SNX29: variants seen among roughly 807,000 people sequenced by gnomAD.
SNX29 encodes the protein sorting nexin 29, also known as sorting nexin-29.
In SNX29, 78 loss-of-function variants were observed where a neutral mutation model predicts 102.1. The ratio of observed to expected loss-of-function variants is 0.76; its 90% CI spans 0.64 to 0.92. SNX29 has a LOEUF of 0.92. Ranked by LOEUF, SNX29 falls within the 40% of genes least tolerant of loss-of-function variation. The pLI, the probability that SNX29 is intolerant of heterozygous loss-of-function variation, is 0.00. For missense variants in SNX29, 1,280 were observed against 1,061.7 expected, an observed-to-expected ratio of 1.21 and a Z score of -2.86; for synonymous variants, 580 against 414.5, an observed-to-expected ratio of 1.40 and a Z score of -4.85.
At position 12,570,426 on chromosome 16, in the gene SNX29, CTAAAT is replaced by C. The variant is rs2079162706; in HGVS notation, c.*1798_*1802del. 1 of 251,592 alleles carries C rather than the reference CTAAAT, an allele frequency of 4.0e-6. No individual in the cohort carries two copies. The highest frequency in any genetic ancestry group is 7.4e-6 in the Non-Finnish European group (1 of 134,984). The allele number at this position is 251,592 out of a possible 1,614,324, so 15.6% of individuals were successfully genotyped here. A position where few individuals can be genotyped will look rare whatever the true frequency, so the allele number is the denominator to read the frequency against. On this transcript the variant is annotated 3_prime_UTR_variant, in exon 21 of 21. Coordinates refer to ENST00000566228, the MANE Select transcript of SNX29 (RefSeq NM_032167.5). ...ACATCAGCTCACATGACTGGCAACT[CTAAAT>C]AGAGAGCCCTAATGGACTGAGGCAG...
intron 20 of SNX29, among the ~76,000 whole-genome samples, chr16:12,554,521 T>C (rs2078200562): frequency 6.6e-6 from 1 of 152,240 alleles, no homozygotes; most frequent in East Asian, 1.9e-4. Context: ...GATGCTGCAT[T>C]GAACATTCTC....
At chr16:12,434,730 C>T (rs138873270) in intron 18 of SNX29, among the ~76,000 whole-genome samples, 7 of 152,228 alleles carry the variant, frequency 4.6e-5, no homozygotes, top group African/African-American at 1.4e-4. Context: ...TGACCTCATC[C>T]AGGACAGTAC....
At chr16:12,356,020 G>A in intron 15 of SNX29, 143 bp from the exon 16 acceptor site, 1 of 675,324 alleles carries the variant, frequency 1.5e-6, no homozygotes, top group Non-Finnish European at 2.6e-6. Flanking sequence ...ATGGTTCACA[G>A]GTAAGCAGTG....
At chr16:12,518,914 A>G (rs2089983825) in intron 19 of SNX29, among the ~76,000 whole-genome samples, 1 of 152,200 alleles carries the variant, frequency 6.6e-6, no homozygotes, top group Non-Finnish European at 1.5e-5. Flanking sequence ...GATGTGAAGT[A>G]GATGCAGTGT....
intron 1 of SNX29, among the ~76,000 whole-genome samples, chr16:11,995,215 G>A (rs1294792264): frequency 1.3e-5 from 2 of 152,178 alleles, no homozygotes; most frequent in South Asian, 2.1e-4. Flanking sequence ...ACAGGCGCCC[G>A]TCACCACACC....
chr16:12,023,585 A>AAAAAAG (rs1555521085), intron 3 of SNX29, among the ~76,000 whole-genome samples: 2 of 149,612 alleles, frequency 1.3e-5, no homozygotes, highest in African/African-American at 4.9e-5. Flanking sequence ...CTCAAAAAAA[A>AAAAAAG]AAAAGAAAAG....
rs2049956869 is a variant in SNX29, at chr16:12,043,210, G to C, written c.428+133G>C. On this transcript the variant is annotated intron_variant, in intron 5 of 20. Transcript: ENST00000566228. ...AGTGGGCCTCCCTCTGACAGCTCCG[G>C]AGTGTTCTGCTGAGCTGTGGAGAAA... is the stretch of plus-strand genomic sequence containing the variant. The C allele has an allele frequency of 2.6e-5, 31 of 1,177,870 alleles. No homozygotes were observed. The Admixed American group carries it at 6.0e-4, about 23-fold the overall frequency. The allele number at this position is 1,177,870 out of a possible 1,614,324, so 73.0% of individuals were successfully genotyped here. A position where few individuals can be genotyped will look rare whatever the true frequency, so the allele number is the denominator to read the frequency against.
intron 18 of SNX29, among the ~76,000 whole-genome samples, chr16:12,438,149 G>A (rs1234652387): frequency 2.0e-5 from 3 of 152,058 alleles, no homozygotes; most frequent in Admixed American, 6.5e-5. Context: ...GGGGGCAGGA[G>A]TAGGGGGGCA....
At chr16:12,039,948 A>T (rs1387431220) in intron 4 of SNX29, among the ~76,000 whole-genome samples, 1 of 152,246 alleles carries the variant, frequency 6.6e-6, no homozygotes, top group Non-Finnish European at 1.5e-5. Flanking sequence ...GTTAATGCTC[A>T]GTAAATAGTA....
intron 16 of SNX29, among the ~76,000 whole-genome samples, chr16:12,380,639 C>CAATTT (rs1457553869): frequency 8.2e-6 from 1 of 122,614 alleles, no homozygotes; most frequent in African/African-American, 3.4e-5. Flanking sequence ...CACCATCCAT[C>CAATTT]CATCCACCCA....
intron 18 of SNX29, among the ~76,000 whole-genome samples, chr16:12,471,161 C>T (rs1308747192): frequency 2.6e-5 from 4 of 152,198 alleles, no homozygotes; most frequent in African/African-American, 7.2e-5. Flanking sequence ...TTGAGGGCTT[C>T]AGCCACTTAA....
chr16:12,089,876 A>C (rs1377232347), intron 11 of SNX29: 1 of 381,196 alleles, frequency 2.6e-6, no homozygotes. Flanking sequence ...TCCCTTGTAC[A>C]GGCAGTGCTG....
intron 20 of SNX29, among the ~76,000 whole-genome samples, chr16:12,562,497 C>G (rs1213204357): frequency 6.6e-6 from 1 of 152,198 alleles, no homozygotes; most frequent in South Asian, 2.1e-4. Context: ...AAAGGAGCAT[C>G]GTGAGCAGCC....
chr16:12,515,747 G>C (rs900621374), intron 19 of SNX29, among the ~76,000 whole-genome samples: 16 of 152,162 alleles, frequency 1.1e-4, no homozygotes, highest in South Asian at 2.1e-4. Context: ...ACATCTGTTT[G>C]CCAATACGTT....
intron 20 of SNX29, among the ~76,000 whole-genome samples, chr16:12,558,189 T>G (rs1453238247): frequency 6.6e-6 from 1 of 150,902 alleles, no homozygotes; most frequent in Non-Finnish European, 1.5e-5. Flanking sequence ...TTTTTAATAA[T>G]TACGGTTTAC....
chr16:12,044,630 G>A (rs1395217911), intron 5 of SNX29, among the ~76,000 whole-genome samples: 1 of 152,174 alleles, frequency 6.6e-6, no homozygotes, highest in Non-Finnish European at 1.5e-5. Context: ...CTAGGCTGGA[G>A]TGTAGTGGCG....
At chr16:12,084,970 T>C (rs900679707) in intron 11 of SNX29, among the ~76,000 whole-genome samples, 61 of 152,088 alleles carry the variant, frequency 4.0e-4, no homozygotes, top group African/African-American at 1.4e-3. Context: ...ATTGGGAGGC[T>C]GAGGCAGGAG....
At chr16:12,154,881 A>C (rs1567257650) in intron 13 of SNX29, among the ~76,000 whole-genome samples, 1 of 152,220 alleles carries the variant, frequency 6.6e-6, no homozygotes, top group African/African-American at 2.4e-5. Context: ...CTCCACCCTC[A>C]TAACCATAGG....
At chr16:12,473,519 C>T (rs760151529) in intron 18 of SNX29, among the ~76,000 whole-genome samples, 6 of 152,198 alleles carry the variant, frequency 3.9e-5, no homozygotes, top group Non-Finnish European at 8.8e-5. Context: ...GTCACTGCAG[C>T]AGAGCAGCCT....
Sources: allele counts gnomAD v4.1 joint callset (sites outside exome capture counted in the v4.1 genomes callset), GRCh38; gene constraint gnomAD v4.1.1; transcripts MANE v1.5; gene names NCBI Gene and HGNC (gene_info 2026-07-23, HGNC 2026-07-21).